BNC2: variants seen among roughly 807,000 people sequenced by gnomAD.
The protein encoded by BNC2 is basonuclin zinc finger protein 2, also known as zinc finger protein basonuclin-2.
In BNC2, 20 loss-of-function variants were observed where a neutral mutation model predicts 76.3. The ratio of observed to expected loss-of-function variants is 0.26; its 90% CI spans 0.18 to 0.38. The LOEUF (loss-of-function observed/expected upper bound fraction) is 0.38. BNC2 is among the 10% of genes least tolerant of loss of function. The pLI is 1.00. For missense variants in BNC2, 1,382 were observed against 1,399.8 expected, an observed-to-expected ratio of 0.99 and a Z score of 0.20; for synonymous variants, 582 against 514.8, an observed-to-expected ratio of 1.13 and a Z score of -1.77.
chr9:16,716,511 CCAAT>C (rs1270038386), intron 3 of BNC2, among the ~76,000 whole-genome samples: 3 of 152,008 alleles, frequency 2.0e-5, no homozygotes, highest in African/African-American at 4.8e-5. Context: ...TTCATTATTC[CCAAT>C]CAATCACAAC....
intron 5 of BNC2, among the ~76,000 whole-genome samples, chr9:16,509,053 C>G (rs1822695901): frequency 6.6e-6 from 1 of 151,964 alleles, no homozygotes; most frequent in Admixed American, 6.6e-5. Flanking sequence ...TGGTCTTGAA[C>G]TCCTGGCCTC....
At chr9:16,546,824 C>T (rs1587154411) in intron 5 of BNC2, among the ~76,000 whole-genome samples, 1 of 152,186 alleles carries the variant, frequency 6.6e-6, no homozygotes, top group Admixed American at 6.5e-5. Context: ...TCTGGAAAGA[C>T]AGGCTGGTAG....
rs370146990 is a variant in BNC2 at position 16,777,015 on chromosome 9, A to T, written c.4-38530T>A. ...GTGGCACACGCCTGTAATCCCAGCTACTCAGTAGGTTGAGGCAAGAGAATC... is the reference window on the plus strand; with the variant it reads ...GTGGCACACGCCTGTAATCCCAGCTTCTCAGTAGGTTGAGGCAAGAGAATC... On this transcript the variant is annotated intron_variant, in intron 1 of 6. Transcript: ENST00000380672. Among the ~76,000 whole-genome samples the T allele has an allele frequency of 7.9e-5, 12 of 151,974 alleles. No homozygotes were observed. In the East Asian group the frequency reaches 2.0e-3, roughly 25 times the overall value.
chr9:16,787,821 G>C (rs1826339253), intron 1 of BNC2, among the ~76,000 whole-genome samples: 1 of 152,138 alleles, frequency 6.6e-6, no homozygotes, highest in Non-Finnish European at 1.5e-5. Context: ...AAAGTGCTAG[G>C]ATTAGAAGCA....
chr9:16,806,206 T>C (rs1200927239), intron 1 of BNC2, among the ~76,000 whole-genome samples: 1 of 152,158 alleles, frequency 6.6e-6, no homozygotes, highest in African/African-American at 2.4e-5. Flanking sequence ...CCAGGCACAG[T>C]AGCTCATGCC....
intron 4 of BNC2, among the ~76,000 whole-genome samples, chr9:16,559,266 AT>A (rs112862960): frequency 4.0e-5 from 6 of 151,428 alleles, no homozygotes; most frequent in South Asian, 2.1e-4. Flanking sequence ...CTTAAATGAG[AT>A]TTTTTTTTGC....
At chr9:16,535,712 A>G (rs1281251672) in intron 5 of BNC2, among the ~76,000 whole-genome samples, 1 of 152,102 alleles carries the variant, frequency 6.6e-6, no homozygotes. Flanking sequence ...CTGGTCCCCA[A>G]ATTGCTCATG....
At chr9:16,647,314 C>CTGCAGACT in intron 3 of BNC2, among the ~76,000 whole-genome samples, 1 of 152,176 alleles carries the variant, frequency 6.6e-6, no homozygotes, top group South Asian at 2.1e-4. Flanking sequence ...TATGTCAAGT[C>CTGCAGACT]TGCACAGAGA....
rs375303328 is a variant in BNC2 at position 16,463,400 on chromosome 9, C to G, written c.670-25876G>C. Among the ~76,000 whole-genome samples, 57 of 141,194 alleles carry G rather than the reference C, an allele frequency of 4.0e-4. No homozygotes were observed. In the East Asian group the frequency reaches 5.6e-3, roughly 14 times the overall value. 92.6% of individuals were successfully genotyped at this position (141,194 alleles called of 152,430 possible). On this transcript the variant is annotated intron_variant, in intron 5 of 6. Coordinates refer to ENST00000380672, the MANE Select transcript of BNC2 (RefSeq NM_017637.6). ...CAAGCTCCGCCTCCCGGGTTCACGC[C>G]ATTCTCCTGCCTCAGCCTCCCAAGT...
At chr9:16,522,995 C>T (rs1434815100) in intron 5 of BNC2, among the ~76,000 whole-genome samples, 1 of 152,144 alleles carries the variant, frequency 6.6e-6, no homozygotes, top group African/African-American at 2.4e-5. Context: ...TCCCACCAAT[C>T]TCTCAGGTCA....
chr9:16,855,378 T>C lies in BNC2; in HGVS notation c.3+15268A>G, dbSNP rs1051927209. ...CATCTGTAATACCTATGGCACCTAA[T>C]AGAGTATCACATACATCATAGAAAT... On this transcript the variant is annotated intron_variant, in intron 1 of 6. Transcript: ENST00000380672. Among the ~76,000 whole-genome samples the C allele has an allele frequency of 4.6e-5, 7 of 152,308 alleles. No individual in the cohort carries two copies. In the Middle Eastern group the frequency reaches 0.014, roughly 296 times the overall value.
chr9:16,670,023 G>T (rs1822427993), intron 3 of BNC2, among the ~76,000 whole-genome samples: 1 of 152,204 alleles, frequency 6.6e-6, no homozygotes, highest in African/African-American at 2.4e-5. Flanking sequence ...TTTGTTAGAA[G>T]TTGGTTTCTG....
At chr9:16,603,514 T>C (rs532081874) in intron 3 of BNC2, among the ~76,000 whole-genome samples, 5 of 152,284 alleles carry the variant, frequency 3.3e-5, no homozygotes, top group East Asian at 3.9e-4. Context: ...AATTGCTCCA[T>C]TGAAGAAAAT....
At chr9:16,660,362 G>A (rs1014361365) in intron 3 of BNC2, among the ~76,000 whole-genome samples, 3 of 151,952 alleles carry the variant, frequency 2.0e-5, no homozygotes, top group Non-Finnish European at 4.4e-5. Flanking sequence ...GCTGAGGAAG[G>A]AGAATAGCTT....
intron 5 of BNC2, among the ~76,000 whole-genome samples, chr9:16,454,732 G>T (rs1220501753): frequency 1.3e-5 from 2 of 152,190 alleles, no homozygotes; most frequent in African/African-American, 4.8e-5. Flanking sequence ...AAAACAGCCA[G>T]TGTGAGCCTA....
At chr9:16,605,205 T>C (rs1017986830) in intron 3 of BNC2, among the ~76,000 whole-genome samples, 35 of 152,254 alleles carry the variant, frequency 2.3e-4, no homozygotes, top group African/African-American at 7.7e-4. Context: ...GAAATTATCC[T>C]AAAGATTTCA....
Position 16,793,273 on chromosome 9 carries a change from G to A in BNC2, c.4-54788C>T, listed in dbSNP as rs530528325. 4.6e-5 allele frequency among the ~76,000 whole-genome samples: 7 copies of A among 152,088 alleles called. No homozygotes were observed. The South Asian group carries it at 1.0e-3, about 23-fold the overall frequency. ...TTATCAATCATAACAATCCAAAGCC[G>A]AAATCAGTTACCTAAGCAAAGAAAA... On this transcript the variant is annotated intron_variant, in intron 1 of 6. Coordinates refer to ENST00000380672, the MANE Select transcript of BNC2 (RefSeq NM_017637.6).
intron 1 of BNC2, among the ~76,000 whole-genome samples, chr9:16,800,881 T>C (rs551747110): frequency 6.6e-6 from 1 of 152,060 alleles, no homozygotes; most frequent in East Asian, 1.9e-4. Context: ...CTTTCTGATG[T>C]AGAAAAAAAA....
chr9:16,506,249 A>T (rs571579457), intron 5 of BNC2, among the ~76,000 whole-genome samples: 3 of 152,336 alleles, frequency 2.0e-5, no homozygotes, highest in Non-Finnish European at 4.4e-5. Context: ...AAAAATACTT[A>T]TGTGAGAGTA....
Sources: gnomAD v4.1 joint callset for allele counts (sites outside exome capture counted in the v4.1 genomes callset) on GRCh38, gnomAD v4.1.1 for gene constraint, MANE v1.5 for transcripts, NCBI Gene and HGNC (gene_info 2026-07-23, HGNC 2026-07-21) for gene names.